The following GJA3 variants were observed in gnomAD, a reference collection of about 807,000 sequenced individuals.
GJA3 encodes gap junction protein alpha 3.
For missense variants in GJA3, 571 were observed against 620.3 expected, an observed-to-expected ratio of 0.92 and a Z score of 0.84; for synonymous variants, 297 against 292.6, an observed-to-expected ratio of 1.02 and a Z score of -0.15.
chr13:20,159,636 C>G (rs1047572178), intron 1 of GJA3, among the ~76,000 whole-genome samples: 1 of 152,020 alleles, frequency 6.6e-6, no homozygotes, highest in African/African-American at 2.4e-5. Context: ...TTTTGTTACC[C>G]GCCATTCTTT....
intron 1 of GJA3, among the ~76,000 whole-genome samples, chr13:20,144,415 A>C (rs1739373434): frequency 6.6e-6 from 1 of 152,178 alleles, no homozygotes; most frequent in African/African-American, 2.4e-5. Flanking sequence ...TCAGGGTGCA[A>C]GTGAGTGGAG....
chr13:20,151,688 C>T (rs1958878586), intron 1 of GJA3, among the ~76,000 whole-genome samples: 2 of 151,946 alleles, frequency 1.3e-5, no homozygotes, highest in Non-Finnish European at 2.9e-5. Context: ...CAAGGGACGG[C>T]GAGGATGGAT....
At chr13:20,152,490 T>C (rs566739696) in intron 1 of GJA3, among the ~76,000 whole-genome samples, 1 of 152,248 alleles carries the variant, frequency 6.6e-6, no homozygotes, top group Admixed American at 6.5e-5. Context: ...GTTCAGGCGA[T>C]TCTTGTGCCT....
intron 1 of GJA3, among the ~76,000 whole-genome samples, chr13:20,155,617 G>A (rs2141145261): frequency 6.6e-6 from 1 of 151,844 alleles, no homozygotes; most frequent in South Asian, 2.1e-4. Context: ...TAAAATATTA[G>A]TCTTGCTAGT....
chr13:20,140,445 C>T lies in GJA3; in HGVS notation c.*1536G>A, dbSNP rs1013314462. The T allele has an allele frequency of 2.0e-5, 3 of 152,082 alleles. No homozygotes were observed. The highest frequency in any genetic ancestry group is 4.4e-5 in the Non-Finnish European group (3 of 68,018). 9.4% of individuals were successfully genotyped at this position (152,082 alleles called of 1,614,324 possible). On this transcript the variant is annotated 3_prime_UTR_variant, in exon 2 of 2. Transcript: ENST00000241125. ...TGGAGTGTGGTCCCAAATGCATCAT[C>T]GAGAAGTTAATTTATAAAAAGAAAT...
chr13:20,148,930 TCCCATGAGATGG>T (rs1004513946), intron 1 of GJA3, among the ~76,000 whole-genome samples: 3 of 152,250 alleles, frequency 2.0e-5, no homozygotes, highest in Non-Finnish European at 4.4e-5. Context: ...GTTTATGATC[TCCCATGAGATGG>T]CCCTTAATCT....
In GJA3 at chr13:20,141,643, A is replaced by G. The variant is rs937682757; in HGVS notation, c.*338T>C. The G allele has an allele frequency of 6.9e-6, 2 of 291,850 alleles. No individual in the cohort carries two copies. The highest frequency in any genetic ancestry group is 4.4e-5 in the African/African-American group (2 of 45,204). 18.1% of individuals were successfully genotyped at this position (291,850 alleles called of 1,614,324 possible). A position where few individuals can be genotyped will look rare whatever the true frequency, so the allele number is the denominator to read the frequency against. On this transcript the variant is annotated 3_prime_UTR_variant, in exon 2 of 2. Coordinates refer to ENST00000241125, the MANE Select transcript of GJA3 (RefSeq NM_021954.4). ...CCAGGAGCTAAAGGGACTGCAGGATACCTGTTGCTTTACCACTACAGAACA... is the reference window on the plus strand; with the variant it reads ...CCAGGAGCTAAAGGGACTGCAGGATGCCTGTTGCTTTACCACTACAGAACA...
chr13:20,161,146 A>C (rs1305460067), upstream of GJA3: 1 of 152,260 alleles, frequency 6.6e-6, no homozygotes, highest in Non-Finnish European at 1.5e-5. Context: ...CCCAGCACGC[A>C]CACCTACCGC....
At chr13:20,154,260 CTTT>C (rs1958895765) in intron 1 of GJA3, among the ~76,000 whole-genome samples, 1 of 152,226 alleles carries the variant, frequency 6.6e-6, no homozygotes, top group Non-Finnish European at 1.5e-5. Context: ...TGCGACACTT[CTTT>C]AATGCCCTGA....
chr13:20,155,147 C>T (rs373877989), intron 1 of GJA3, among the ~76,000 whole-genome samples: 80 of 152,328 alleles, frequency 5.3e-4, no homozygotes, highest in African/African-American at 1.8e-3. Flanking sequence ...GTGTGAGCCA[C>T]CACGCCTATC....
At chr13:20,159,080 ACT>A (rs1958922507) in intron 1 of GJA3, among the ~76,000 whole-genome samples, 1 of 151,998 alleles carries the variant, frequency 6.6e-6, no homozygotes, top group Admixed American at 6.6e-5. Context: ...GCAGAAACAT[ACT>A]GTTTTTTAGA....
intron 1 of GJA3, among the ~76,000 whole-genome samples, chr13:20,145,866 C>T (rs1305097671): frequency 1.3e-5 from 2 of 152,174 alleles, no homozygotes; most frequent in Non-Finnish European, 2.9e-5. Flanking sequence ...CAACATCCCC[C>T]TCCCCATCCC....
intron 1 of GJA3, among the ~76,000 whole-genome samples, chr13:20,145,655 C>G (rs1440329727): frequency 6.6e-6 from 1 of 152,224 alleles, no homozygotes; most frequent in Admixed American, 6.5e-5. Flanking sequence ...GGCCCAGCCA[C>G]GCTGAAGCCT....
At chr13:20,156,714 T>C (rs1958908942) in intron 1 of GJA3, among the ~76,000 whole-genome samples, 1 of 152,260 alleles carries the variant, frequency 6.6e-6, no homozygotes, top group African/African-American at 2.4e-5. Context: ...ATTTAAAATA[T>C]ACTATTTATC....
chr13:20,144,134 T>C (rs575698529), intron 1 of GJA3, among the ~76,000 whole-genome samples: 1 of 152,234 alleles, frequency 6.6e-6, no homozygotes, highest in South Asian at 2.1e-4. Context: ...AGAAACAGAA[T>C]TGATAAAGGA....
intron 1 of GJA3, among the ~76,000 whole-genome samples, chr13:20,148,450 G>A (rs541392892): frequency 1.3e-5 from 2 of 152,154 alleles, no homozygotes; most frequent in Non-Finnish European, 2.9e-5. Flanking sequence ...GTAGAGACGA[G>A]GTCTTGTGAT....
Position 20,152,671 on chromosome 13 carries a change from C to T in GJA3, c.-18+8219G>A, listed in dbSNP as rs193204472. On this transcript the variant is annotated intron_variant, in intron 1 of 1. Coordinates refer to ENST00000241125, the MANE Select transcript of GJA3 (RefSeq NM_021954.4). Reference sequence around the variant, plus strand: ...AGTGCTGTACAGATGAGAGCTACCACGCCTAGTCTATACTGACAATTTACA... The same window carrying T: ...AGTGCTGTACAGATGAGAGCTACCATGCCTAGTCTATACTGACAATTTACA... 1.3e-3 allele frequency among the ~76,000 whole-genome samples: 201 copies of T among 152,270 alleles called. 1 individual carries two copies. Among genetic ancestry groups the T allele is most frequent in the Middle Eastern group, 3.4e-3 (1 of 294 alleles).
Position 20,142,870 on chromosome 13 carries a change from C to CAT in GJA3, c.418_419insAT (p.Arg140HisfsTer37). 1 of 1,607,686 alleles carries CAT rather than the reference C, an allele frequency of 6.2e-7. No individual in the cohort carries two copies. The highest frequency in any genetic ancestry group is 8.5e-7 in the Non-Finnish European group (1 of 1,177,088). ...GGTCCGCAGCAGCGCCCCGGCCATG[C>CAT]GCACCCTGCCGCGGTCGTCCCGCGA... On this transcript the variant is annotated frameshift_variant, in exon 2 of 2. Transcript: ENST00000241125. LOFTEE classifies it low-confidence loss of function (END_TRUNC).
At chr13:20,150,795 G>C (rs912705114) in intron 1 of GJA3, among the ~76,000 whole-genome samples, 1 of 152,186 alleles carries the variant, frequency 6.6e-6, no homozygotes, top group African/African-American at 2.4e-5. Context: ...AGGGCCCGTG[G>C]TGCTCAGCTG....
Sources: gnomAD v4.1 joint callset for allele counts (sites outside exome capture counted in the v4.1 genomes callset) on GRCh38, gnomAD v4.1.1 for gene constraint, MANE v1.5 for transcripts, NCBI Gene and HGNC (gene_info 2026-07-23, HGNC 2026-07-21) for gene names.